Variants in BRINP3 observed in about 807,000 individuals in gnomAD.
The protein encoded by BRINP3 is BMP/retinoic acid-inducible neural-specific protein 3.
BRINP3 carries 19 observed loss-of-function variants against 71.0 expected under a neutral mutation model. That is an observed-to-expected ratio of 0.27 (90% CI 0.19 to 0.39). BRINP3 has a LOEUF of 0.39. Among genes scored for constraint, BRINP3 ranks in the 10% least tolerant of loss-of-function variants. BRINP3 has a pLI of 1.00. For missense variants in BRINP3, 959 were observed against 940.8 expected (o/e 1.02, Z -0.25); for synonymous variants, 380 against 337.7 (o/e 1.13, Z -1.37).
At chr1:190,151,568 G>A (rs1478724991) in intron 7 of BRINP3, among the ~76,000 whole-genome samples, 1 of 152,120 alleles carries the variant, frequency 6.6e-6, no homozygotes, top group Admixed American at 6.6e-5. Context: ...TAAAAATTGA[G>A]ATGAAAATCT....
intron 2 of BRINP3, among the ~76,000 whole-genome samples, chr1:190,370,145 A>G (rs747817423): frequency 2.0e-5 from 3 of 152,184 alleles, no homozygotes; most frequent in Non-Finnish European, 4.4e-5. Flanking sequence ...CATTTTCACA[A>G]TTGTCAAATT....
At chr1:190,374,295 T>G (rs1391813881) in intron 2 of BRINP3, among the ~76,000 whole-genome samples, 1 of 152,170 alleles carries the variant, frequency 6.6e-6, no homozygotes, top group Non-Finnish European at 1.5e-5. Flanking sequence ...TCTGTCTGTC[T>G]GTCTCTCTGA....
At chr1:190,369,203 T>G (rs1455558178) in intron 2 of BRINP3, among the ~76,000 whole-genome samples, 1 of 152,190 alleles carries the variant, frequency 6.6e-6, no homozygotes, top group African/African-American at 2.4e-5. Context: ...ATTAAATATC[T>G]TTTGTTGTTA....
At chr1:190,330,052 TATC>T (rs1337639452) in intron 2 of BRINP3, among the ~76,000 whole-genome samples, 3 of 152,004 alleles carry the variant, frequency 2.0e-5, no homozygotes, top group Non-Finnish European at 4.4e-5. Flanking sequence ...ACTTAGGAAA[TATC>T]ATTCTGGTCA....
At chr1:190,144,661 A>C (rs1243101605) in intron 7 of BRINP3, among the ~76,000 whole-genome samples, 2 of 152,136 alleles carry the variant, frequency 1.3e-5, no homozygotes, top group Non-Finnish European at 2.9e-5. Context: ...TAATATTTCT[A>C]ACCTTCTAAA....
intron 3 of BRINP3, among the ~76,000 whole-genome samples, chr1:190,267,404 A>C (rs1304018856): frequency 6.6e-6 from 1 of 152,100 alleles, no homozygotes; most frequent in Non-Finnish European, 1.5e-5. Context: ...TGATAGGCTA[A>C]CTTAAGGCAA....
intron 6 of BRINP3, among the ~76,000 whole-genome samples, chr1:190,214,785 C>T (rs768531876): frequency 2.0e-5 from 3 of 151,970 alleles, no homozygotes; most frequent in Non-Finnish European, 4.4e-5. Flanking sequence ...ATAACTCACG[C>T]TGTAACTCAA....
intron 2 of BRINP3, among the ~76,000 whole-genome samples, chr1:190,318,459 G>T (rs1666029101): frequency 6.6e-6 from 1 of 152,050 alleles, no homozygotes; most frequent in Non-Finnish European, 1.5e-5. Flanking sequence ...TCTAGTTCTT[G>T]AAAAATAGGT....
At chr1:190,129,525 A>T (rs1049833721) in intron 7 of BRINP3, among the ~76,000 whole-genome samples, 1 of 151,974 alleles carries the variant, frequency 6.6e-6, no homozygotes, top group African/African-American at 2.4e-5. Context: ...TTAGAAAAGA[A>T]CAGGTGCAGT....
intron 2 of BRINP3, among the ~76,000 whole-genome samples, chr1:190,340,334 C>T (rs546790257): frequency 8.6e-5 from 13 of 151,972 alleles, no homozygotes; most frequent in African/African-American, 2.9e-4. Context: ...ATTTGAGCTG[C>T]TCATCTGAAA....
chr1:190,258,211 C>G (rs1208276568), intron 4 of BRINP3, among the ~76,000 whole-genome samples: 1 of 152,178 alleles, frequency 6.6e-6, no homozygotes, highest in Non-Finnish European at 1.5e-5. Flanking sequence ...CCTCCCCCTG[C>G]CAGGCTACTG....
chr1:190,319,756 A>G (rs1380119918), intron 2 of BRINP3, among the ~76,000 whole-genome samples: 2 of 151,620 alleles, frequency 1.3e-5, no homozygotes, highest in Admixed American at 1.3e-4. Flanking sequence ...ATGAGAAACT[A>G]CCCCCTTGAT....
At chr1:190,329,489 GACCTCTACACAGCT>G (rs564225170) in intron 2 of BRINP3, among the ~76,000 whole-genome samples, 169 of 151,694 alleles carry the variant, frequency 1.1e-3, no homozygotes, top group African/African-American at 3.1e-3. Context: ...AGAGGTGAAA[GACCTCTACACAGCT>G]ACAAAATACT....
At chr1:190,286,540 A>G (rs949971489) in intron 2 of BRINP3, among the ~76,000 whole-genome samples, 46 of 152,186 alleles carry the variant, frequency 3.0e-4, no homozygotes, top group Admixed American at 3.0e-3. Context: ...AAGAAACCCA[A>G]AATATATTGA....
intron 4 of BRINP3, among the ~76,000 whole-genome samples, chr1:190,258,353 C>T (rs1013853353): frequency 5.9e-5 from 9 of 152,082 alleles, no homozygotes; most frequent in African/African-American, 2.2e-4. Flanking sequence ...AAACGGGACA[C>T]TCCCACCCAA....
At chr1:190,405,635 A>C (rs1672235086) in intron 2 of BRINP3, among the ~76,000 whole-genome samples, 4 of 152,230 alleles carry the variant, frequency 2.6e-5, no homozygotes. Context: ...AGGACGCAAG[A>C]CACAGGCAGA....
At chr1:190,192,895 AT>A (rs1311989983) in intron 6 of BRINP3, among the ~76,000 whole-genome samples, 1 of 152,052 alleles carries the variant, frequency 6.6e-6, no homozygotes, top group Non-Finnish European at 1.5e-5. Flanking sequence ...GTAATAATGT[AT>A]TGTTTAATTT....
chr1:190,254,866 T>C (rs1416082388), intron 4 of BRINP3, among the ~76,000 whole-genome samples: 4 of 152,224 alleles, frequency 2.6e-5, no homozygotes, highest in African/African-American at 9.6e-5. Context: ...TCAAAGGGAA[T>C]GCTTCCAGTT....
intron 7 of BRINP3, among the ~76,000 whole-genome samples, chr1:190,151,641 T>G (rs911824036): frequency 1.4e-4 from 21 of 152,136 alleles, no homozygotes; most frequent in African/African-American, 4.8e-4. Flanking sequence ...GAATCAGCAT[T>G]TTATTTGCTG....
Sources: gnomAD v4.1 joint callset for allele counts (sites outside exome capture counted in the v4.1 genomes callset) on GRCh38, gnomAD v4.1.1 for gene constraint, MANE v1.5 for transcripts, NCBI Gene and HGNC (gene_info 2026-07-23, HGNC 2026-07-21) for gene names.